The following FAM193A variants were observed in gnomAD, a reference collection of about 807,000 sequenced individuals.
FAM193A encodes protein FAM193A.
Under a neutral mutation model 126.5 loss-of-function variants are expected in FAM193A, and 22 were observed. The observed-to-expected ratio is 0.17, with a 90% confidence interval of 0.12 to 0.25. The LOEUF (loss-of-function observed/expected upper bound fraction) is 0.25, where lower values mean the gene tolerates loss of function less well. Ranked by LOEUF, FAM193A falls within the 10% of genes least tolerant of loss-of-function variation. The probability of loss-of-function intolerance (pLI) is 1.00; values close to 1 mark genes in which losing one functional copy is unlikely to be tolerated. For synonymous variants in FAM193A, 761 were observed against 646.8 expected (o/e 1.18, Z -2.68); for missense variants, 1,675 against 1,672.8 (o/e 1.00, Z -0.02).
rs148171297 is a variant in FAM193A at position 2,732,257 on chromosome 4, C to T, written c.*389C>T. 6.0e-4 allele frequency: 142 copies of T among 236,004 alleles called. 2 individuals carry two copies. The highest frequency in any genetic ancestry group is 2.8e-3 in the African/African-American group (122 of 44,344). The allele number at this position is 236,004 out of a possible 1,614,324, so 14.6% of individuals were successfully genotyped here. ...GGGGTATCGGCCGTCACTCAGCTCTCCTGTGCCCCTGCGTCTCACCCTAGG... is the reference window on the plus strand; with the variant it reads ...GGGGTATCGGCCGTCACTCAGCTCTTCTGTGCCCCTGCGTCTCACCCTAGG... On this transcript the variant is annotated 3_prime_UTR_variant, in exon 21 of 21. Coordinates refer to ENST00000637812, the MANE Select transcript of FAM193A (RefSeq NM_001366318.2).
chr4:2,559,683 C>T (rs1738482793), intron 1 of FAM193A, among the ~76,000 whole-genome samples: 1 of 152,190 alleles, frequency 6.6e-6, no homozygotes, highest in African/African-American at 2.4e-5. Flanking sequence ...CTTCCTCCTC[C>T]CTCTGGATGT....
chr4:2,699,446 C>CCCCACACA (rs748329252), intron 18 of FAM193A, among the ~76,000 whole-genome samples: 5 of 103,542 alleles, frequency 4.8e-5, no homozygotes, highest in African/African-American at 1.4e-4. Flanking sequence ...ACCCCCCCCC[C>CCCCACACA]CACACACACA....
intron 20 of FAM193A, among the ~76,000 whole-genome samples, chr4:2,731,557 G>A (rs1475499164): frequency 2.6e-5 from 4 of 151,766 alleles, no homozygotes; most frequent in Non-Finnish European, 4.4e-5. Flanking sequence ...GACTCCTTCC[G>A]CCCACCCATT....
At chr4:2,604,791 CTTTTT>C (rs869148370) in intron 2 of FAM193A, among the ~76,000 whole-genome samples, 16 of 99,674 alleles carry the variant, frequency 1.6e-4, no homozygotes, top group African/African-American at 2.2e-4. Flanking sequence ...TTTCTTTTTC[CTTTTT>C]TTTTTTTTTT....
intron 13 of FAM193A, among the ~76,000 whole-genome samples, chr4:2,674,833 CAAAAAA>C (rs75774261): frequency 9.4e-6 from 1 of 105,898 alleles, no homozygotes; most frequent in Non-Finnish European, 1.9e-5. Context: ...CTGTCTCTAC[CAAAAAA>C]AAAAAAAAAA....
rs540081480 is a variant in FAM193A, at chr4:2,646,577, G to T, written c.1164-108G>T. The stretch of plus-strand genomic sequence containing the variant: ...AGAGTGGCACCCTGTTTTCCACGTT[G>T]GGAGGCGAGATGACAAAGCAGGATA... On this transcript the variant is annotated intron_variant, in intron 6 of 20. Coordinates refer to ENST00000637812, the MANE Select transcript of FAM193A (RefSeq NM_001366318.2). The T allele has an allele frequency of 5.9e-6, 7 of 1,192,230 alleles. No individual in the cohort carries two copies. In the South Asian group the frequency reaches 1.1e-4, roughly 18 times the overall value. The allele number at this position is 1,192,230 out of a possible 1,614,324, so 73.9% of individuals were successfully genotyped here.
chr4:2,646,521 G>A (rs34206504), intron 6 of FAM193A, among the ~76,000 whole-genome samples, 164 bp from the exon 7 acceptor site: 22,462 of 152,102 alleles, frequency 0.15, 3,890 homozygotes, highest in African/African-American at 0.42. Context: ...ATGGGGATCT[G>A]TTGATCCCTC....
At chr4:2,618,074 C>T (rs1742315400) in intron 2 of FAM193A, among the ~76,000 whole-genome samples, 1 of 152,182 alleles carries the variant, frequency 6.6e-6, no homozygotes, top group African/African-American at 2.4e-5. Context: ...TTCGTGGCCT[C>T]TCCAGTTTGT....
At chr4:2,665,036 C>T (rs2109128681) in intron 12 of FAM193A, among the ~76,000 whole-genome samples, 1 of 152,214 alleles carries the variant, frequency 6.6e-6, no homozygotes, top group East Asian at 1.9e-4. Flanking sequence ...TGGTTGTGGT[C>T]TTTTATTTGT....
At chr4:2,670,023 G>A (rs1312511383) in intron 12 of FAM193A, among the ~76,000 whole-genome samples, 1 of 152,104 alleles carries the variant, frequency 6.6e-6, no homozygotes, top group Non-Finnish European at 1.5e-5. Context: ...GGAGTGTCCA[G>A]GTGTTATTTG....
At chr4:2,605,647 A>G (rs1214115360) in intron 2 of FAM193A, among the ~76,000 whole-genome samples, 2 of 152,170 alleles carry the variant, frequency 1.3e-5, no homozygotes, top group Non-Finnish European at 1.5e-5. Context: ...CATGTTTTTA[A>G]ATGAAAACTA....
chr4:2,640,736 A>T (rs1270494575), intron 6 of FAM193A, among the ~76,000 whole-genome samples: 1 of 152,124 alleles, frequency 6.6e-6, no homozygotes, highest in Non-Finnish European at 1.5e-5. Flanking sequence ...GGCCTTAAGC[A>T]GGCGGATCAC....
chr4:2,642,732 CT>C (rs1209422669), intron 6 of FAM193A, among the ~76,000 whole-genome samples: 2,988 of 135,370 alleles, frequency 0.022, 64 homozygotes, highest in African/African-American at 0.059. Flanking sequence ...AAACTCCCAT[CT>C]TTTTTTTTTT....
At chr4:2,582,154 C>G (rs1004950571) in intron 1 of FAM193A, among the ~76,000 whole-genome samples, 3 of 152,098 alleles carry the variant, frequency 2.0e-5, no homozygotes, top group African/African-American at 7.2e-5. Context: ...CTCTCCTCCT[C>G]CAGCCCCCTT....
At chr4:2,610,767 C>T (rs1041080289) in intron 2 of FAM193A, among the ~76,000 whole-genome samples, 1 of 151,140 alleles carries the variant, frequency 6.6e-6, no homozygotes, top group African/African-American at 2.4e-5. Flanking sequence ...GATGGAGTTT[C>T]GCTCTTGTCA....
At chr4:2,570,636 C>A (rs1224811596) in intron 1 of FAM193A, among the ~76,000 whole-genome samples, 1 of 152,092 alleles carries the variant, frequency 6.6e-6, no homozygotes, top group Non-Finnish European at 1.5e-5. Flanking sequence ...ATCATAGTGA[C>A]ACAGGAAATA....
At chr4:2,651,939 G>A (rs774812028) in intron 7 of FAM193A, among the ~76,000 whole-genome samples, 1 of 152,188 alleles carries the variant, frequency 6.6e-6, no homozygotes, top group African/African-American at 2.4e-5. Context: ...CCCTTGCAAG[G>A]GTCGTTCGAA....
chr4:2,567,106 A>AT (rs570577167), intron 1 of FAM193A, among the ~76,000 whole-genome samples: 13,473 of 137,856 alleles, frequency 0.098, 795 homozygotes, highest in African/African-American at 0.17. Flanking sequence ...TGCCCGGCTC[A>AT]TTTTTTTTTT....
chr4:2,696,343 A>G lies in FAM193A; in HGVS notation c.3277-20A>G, dbSNP rs780153337. On this transcript the variant is annotated intron_variant, in intron 17 of 20. Coordinates refer to ENST00000637812, the MANE Select transcript of FAM193A (RefSeq NM_001366318.2). ...TTCAAAATTTTTAAAACTTAAGCAT[A>G]ACTTTGTTGTTTTTCTCAGCCTCCA... 8 of 1,553,668 alleles carry G rather than the reference A, an allele frequency of 5.1e-6. No individual in the cohort carries two copies. Among genetic ancestry groups the G allele is most frequent in the Admixed American group, 1.8e-5 (1 of 54,328 alleles).
Sources: gnomAD v4.1 joint callset for allele counts (sites outside exome capture counted in the v4.1 genomes callset) on GRCh38, gnomAD v4.1.1 for gene constraint, MANE v1.5 for transcripts, NCBI Gene and HGNC (gene_info 2026-07-23, HGNC 2026-07-21) for gene names.